The following AHCYL2 variants were observed in gnomAD, a reference collection of about 807,000 sequenced individuals.
AHCYL2 encodes the protein S-adenosylhomocysteine hydrolase-like protein 2.
Under a neutral mutation model 81.4 loss-of-function variants are expected in AHCYL2, and 28 were observed. The ratio of observed to expected loss-of-function variants is 0.34; its 90% CI spans 0.25 to 0.47. The LOEUF (loss-of-function observed/expected upper bound fraction) is 0.47. Among genes scored for constraint, AHCYL2 ranks in the 20% least tolerant of loss-of-function variants. The pLI is 1.00. For synonymous variants in AHCYL2, 272 were observed against 290.2 expected, an observed-to-expected ratio of 0.94 and a Z score of 0.64; for missense variants, 551 against 785.1, an observed-to-expected ratio of 0.70 and a Z score of 3.56.
chr7:129,251,750 T>TATA (rs1430054798), intron 1 of AHCYL2, among the ~76,000 whole-genome samples: 2 of 152,174 alleles, frequency 1.3e-5, no homozygotes, highest in Non-Finnish European at 2.9e-5. Context: ...AACTGCTTGA[T>TATA]ATAATGGTAA....
At chr7:129,266,682 C>T (rs1455267548) in intron 1 of AHCYL2, among the ~76,000 whole-genome samples, 1 of 152,112 alleles carries the variant, frequency 6.6e-6, no homozygotes, top group Non-Finnish European at 1.5e-5. Flanking sequence ...AATAATGGTA[C>T]TGAGCTAGAT....
chr7:129,312,682 T>C (rs1797700707), intron 1 of AHCYL2, among the ~76,000 whole-genome samples: 1 of 152,194 alleles, frequency 6.6e-6, no homozygotes, highest in Non-Finnish European at 1.5e-5. Flanking sequence ...ACTTTTTTTA[T>C]TTGAAAAAAT....
chr7:129,337,078 G>A (rs6971917), intron 1 of AHCYL2, among the ~76,000 whole-genome samples: 36,957 of 151,986 alleles, frequency 0.24, 4,568 homozygotes, highest in South Asian at 0.37. Flanking sequence ...ATTTATATTC[G>A]AATAGCTAGT....
chr7:129,328,021 C>A (rs930482310), intron 1 of AHCYL2, among the ~76,000 whole-genome samples: 1 of 152,160 alleles, frequency 6.6e-6, no homozygotes, highest in East Asian at 1.9e-4. Flanking sequence ...TGATTTTGAA[C>A]TCCTGGCCTC....
chr7:129,255,647 A>G (rs1044204410), intron 1 of AHCYL2, among the ~76,000 whole-genome samples: 2 of 152,238 alleles, frequency 1.3e-5, no homozygotes, highest in Non-Finnish European at 2.9e-5. Context: ...TTCATTTGAT[A>G]GGCCTGGGTT....
chr7:129,393,832 T>G (rs12706879), intron 4 of AHCYL2, among the ~76,000 whole-genome samples: 3,663 of 152,282 alleles, frequency 0.024, 74 homozygotes, highest in Admixed American at 0.057. Context: ...TGAAATGTCA[T>G]TGTTCCCAGA....
chr7:129,266,745 A>G (rs924047753), intron 1 of AHCYL2, among the ~76,000 whole-genome samples: 21 of 152,242 alleles, frequency 1.4e-4, no homozygotes, highest in Non-Finnish European at 2.9e-4. Context: ...AATATATTAC[A>G]TACCTTTGGA....
intron 1 of AHCYL2, among the ~76,000 whole-genome samples, chr7:129,336,751 A>G (rs188227097): frequency 7.2e-4 from 109 of 152,062 alleles, no homozygotes; most frequent in African/African-American, 2.5e-3. Flanking sequence ...CATTAATAAA[A>G]CGTAATTTTT....
chr7:129,288,086 C>T (rs1796701459), intron 1 of AHCYL2, among the ~76,000 whole-genome samples: 1 of 152,190 alleles, frequency 6.6e-6, no homozygotes, highest in African/African-American at 2.4e-5. Context: ...ACATTTCCCT[C>T]ATTGTGTTAT....
chr7:129,344,052 G>C (rs1472453008), intron 1 of AHCYL2, among the ~76,000 whole-genome samples: 2 of 152,180 alleles, frequency 1.3e-5, no homozygotes, highest in Non-Finnish European at 2.9e-5. Context: ...CACCACGAGA[G>C]AAGTGCAAAT....
At chr7:129,349,125 T>C (rs1040420802) in intron 1 of AHCYL2, among the ~76,000 whole-genome samples, 1 of 152,194 alleles carries the variant, frequency 6.6e-6, no homozygotes, top group East Asian at 1.9e-4. Context: ...TCTCAACTTC[T>C]TAACTGTAAA....
At chr7:129,360,333 C>G (rs1793888214) in intron 1 of AHCYL2, among the ~76,000 whole-genome samples, 1 of 152,134 alleles carries the variant, frequency 6.6e-6, no homozygotes, top group African/African-American at 2.4e-5. Context: ...TCAGGCTGGT[C>G]TCGAACTCCC....
chr7:129,366,082 T>C (rs960709078), intron 1 of AHCYL2, among the ~76,000 whole-genome samples: 3 of 152,176 alleles, frequency 2.0e-5, no homozygotes, highest in Non-Finnish European at 4.4e-5. Flanking sequence ...GTTGACACTC[T>C]GACTTCAGTG....
At chr7:129,239,247 A>G (rs1009468459) in intron 1 of AHCYL2, among the ~76,000 whole-genome samples, 2 of 152,118 alleles carry the variant, frequency 1.3e-5, no homozygotes, top group Non-Finnish European at 2.9e-5. Context: ...TGCTATTCAA[A>G]CTGATCCTTG....
intron 2 of AHCYL2, 145 bp downstream of exon 2, chr7:129,379,894 T>C (rs1794873293): frequency 1.7e-6 from 1 of 601,986 alleles, no homozygotes; most frequent in Non-Finnish European, 2.7e-6. Flanking sequence ...ACTAAAATGC[T>C]GGGTGGAATA....
chr7:129,403,312 C>A, intron 6 of AHCYL2, 67 bp from the exon 7 acceptor site: 1 of 1,033,684 alleles, frequency 9.7e-7, no homozygotes, highest in Non-Finnish European at 1.4e-6. Flanking sequence ...GATGCAAGAC[C>A]CAGAGAAGCA....
chr7:129,416,175 G>A (rs1796839001), intron 12 of AHCYL2, among the ~76,000 whole-genome samples: 1 of 152,000 alleles, frequency 6.6e-6, no homozygotes, highest in African/African-American at 2.4e-5. Flanking sequence ...AATCATGATG[G>A]TAATCTCTCC....
intron 1 of AHCYL2, among the ~76,000 whole-genome samples, chr7:129,248,502 CTTTTTTTCT>C (rs769332360): frequency 4.5e-5 from 2 of 44,192 alleles, no homozygotes; most frequent in East Asian, 8.6e-4. Context: ...ACTATTTTTT[CTTTTTTTCT>C]TTTTTTTTTT....
chr7:129,374,269 C>G (rs1794563378), intron 1 of AHCYL2, among the ~76,000 whole-genome samples: 1 of 152,126 alleles, frequency 6.6e-6, no homozygotes, highest in African/African-American at 2.4e-5. Context: ...AAATTCCAGT[C>G]CCATCACTTA....
Sources: gnomAD v4.1 joint callset for allele counts (sites outside exome capture counted in the v4.1 genomes callset) on GRCh38, gnomAD v4.1.1 for gene constraint, MANE v1.5 for transcripts, NCBI Gene and HGNC (gene_info 2026-07-23, HGNC 2026-07-21) for gene names.